The following KIAA1217 variants were observed in gnomAD, a reference collection of about 807,000 sequenced individuals.
KIAA1217 encodes the protein sickle tail protein homolog.
Under a neutral mutation model 163.9 loss-of-function variants are expected in KIAA1217, and 88 were observed. The ratio of observed to expected loss-of-function variants is 0.54; its 90% CI spans 0.45 to 0.64. The LOEUF (loss-of-function observed/expected upper bound fraction) is 0.64, where lower values mean the gene tolerates loss of function less well. Among genes scored for constraint, KIAA1217 ranks in the 30% least tolerant of loss-of-function variants. KIAA1217 has a pLI of 0.00. For synonymous variants in KIAA1217, 903 were observed against 923.1 expected (o/e 0.98, Z 0.39); for missense variants, 2,372 against 2,475.0 (o/e 0.96, Z 0.88).
At chr10:24,051,460 T>C (rs1320082562) in intron 2 of KIAA1217, among the ~76,000 whole-genome samples, 1 of 152,204 alleles carries the variant, frequency 6.6e-6, no homozygotes, top group Non-Finnish European at 1.5e-5. Context: ...GTTCTTCTTT[T>C]AGTTACCTAA....
At chr10:23,859,144 G>C (rs531526430) in intron 1 of KIAA1217, among the ~76,000 whole-genome samples, 1 of 152,176 alleles carries the variant, frequency 6.6e-6, no homozygotes, top group South Asian at 2.1e-4. Context: ...ATATGTGTGG[G>C]TGTATACATA....
chr10:24,102,465 C>A (rs2062453747), intron 2 of KIAA1217, among the ~76,000 whole-genome samples: 1 of 152,066 alleles, frequency 6.6e-6, no homozygotes, highest in Non-Finnish European at 1.5e-5. Flanking sequence ...TCAGTTCTTC[C>A]CAACTTGATG....
Position 24,536,737 on chromosome 10 carries a change from T to TAAA in KIAA1217, c.3415-37_3415-36insAAA. The TAAA allele has an allele frequency of 3.1e-6, 5 of 1,607,728 alleles. No homozygotes were observed. The East Asian group carries it at 1.1e-4, about 36-fold the overall frequency. ...TTTCCCTCCATTCTCCTCAGTACCC[T>TAAA]TGGATCCCTGTTAACCTCAGTATTT... is the stretch of plus-strand genomic sequence containing the variant. On this transcript the variant is annotated intron_variant, in intron 16 of 20. Coordinates refer to ENST00000376454, the MANE Select transcript of KIAA1217 (RefSeq NM_019590.5).
chr10:24,231,801 G>T (rs1487592244), intron 2 of KIAA1217, among the ~76,000 whole-genome samples: 1 of 142,098 alleles, frequency 7.0e-6, no homozygotes, highest in Non-Finnish European at 1.5e-5. Context: ...TCACTCTTGG[G>T]TTTTTTTTTT....
chr10:23,794,411 G>A (rs537268566), intron 1 of KIAA1217, among the ~76,000 whole-genome samples: 8 of 152,294 alleles, frequency 5.3e-5, no homozygotes, highest in African/African-American at 1.9e-4. Context: ...ATTTCCAATT[G>A]TAGGGGACTA....
chr10:24,136,800 G>A (rs1480051182), intron 2 of KIAA1217, among the ~76,000 whole-genome samples: 1 of 152,210 alleles, frequency 6.6e-6, no homozygotes, highest in East Asian at 1.9e-4. Context: ...GCCCTTTGCA[G>A]TAAGAGGGAG....
chr10:23,979,255 G>T (rs960166261), intron 1 of KIAA1217, among the ~76,000 whole-genome samples: 2 of 152,174 alleles, frequency 1.3e-5, no homozygotes, highest in African/African-American at 4.8e-5. Context: ...TAAAAGTCAC[G>T]TTGCAGGTGC....
At chr10:24,039,902 T>C (rs1339823536) in intron 2 of KIAA1217, among the ~76,000 whole-genome samples, 2 of 152,280 alleles carry the variant, frequency 1.3e-5, no homozygotes, top group Middle Eastern at 3.4e-3. Flanking sequence ...AATTCCCAAC[T>C]CTACAAGTGG....
At chr10:23,823,887 G>A (rs1015369530) in intron 1 of KIAA1217, among the ~76,000 whole-genome samples, 12 of 151,194 alleles carry the variant, frequency 7.9e-5, no homozygotes, top group Non-Finnish European at 2.9e-5. Flanking sequence ...AGATGGAGAA[G>A]AAAAGAGCCA....
At chr10:24,194,828 A>T (rs2066909347) in intron 2 of KIAA1217, among the ~76,000 whole-genome samples, 2 of 144,010 alleles carry the variant, frequency 1.4e-5, no homozygotes, top group Non-Finnish European at 3.0e-5. Flanking sequence ...CTGGTCTCTC[A>T]AACTCCTGAC....
In KIAA1217 at chr10:24,380,290, C is replaced by T. The variant is rs1190836251; in HGVS notation, c.355-579C>T. ...ACTTTCTTATAATGTGGCTTGTCCT[C>T]AACTCCCTGTTCAAAATGCACCACA... On this transcript the variant is annotated intron_variant, in intron 2 of 20. Transcript: ENST00000376454. 7.2e-5 allele frequency among the ~76,000 whole-genome samples: 11 copies of T among 152,216 alleles called. No homozygotes were observed. In the South Asian group the frequency reaches 2.3e-3, roughly 32 times the overall value.
At chr10:23,882,170 T>C (rs984284726) in intron 1 of KIAA1217, among the ~76,000 whole-genome samples, 6 of 151,980 alleles carry the variant, frequency 3.9e-5, no homozygotes, top group African/African-American at 1.4e-4. Context: ...TAAAATAATC[T>C]ATACCAAATA....
chr10:24,265,704 G>A (rs1007466712), intron 2 of KIAA1217, among the ~76,000 whole-genome samples: 3 of 152,012 alleles, frequency 2.0e-5, no homozygotes, highest in African/African-American at 4.8e-5. Context: ...GTTTTGAACC[G>A]GGCATTATGC....
At chr10:24,321,192 A>G (rs893084761) in intron 2 of KIAA1217, among the ~76,000 whole-genome samples, 5 of 152,192 alleles carry the variant, frequency 3.3e-5, no homozygotes, top group African/African-American at 9.6e-5. Context: ...TGAAAGCAGG[A>G]ACTTGAGATA....
chr10:24,012,010 A>C (rs1429840502), intron 2 of KIAA1217, among the ~76,000 whole-genome samples: 1 of 152,192 alleles, frequency 6.6e-6, no homozygotes, highest in South Asian at 2.1e-4. Context: ...CCAAGGAAAA[A>C]TAAAAGGAAA....
chr10:24,363,854 G>T (rs191930105), intron 2 of KIAA1217, among the ~76,000 whole-genome samples: 1 of 152,220 alleles, frequency 6.6e-6, no homozygotes, highest in Admixed American at 6.5e-5. Flanking sequence ...TTACAGGCAT[G>T]GGCCACCGCA....
At chr10:24,423,289 CT>C (rs71506831) in intron 3 of KIAA1217, among the ~76,000 whole-genome samples, 10,614 of 139,434 alleles carry the variant, frequency 0.076, 426 homozygotes, top group East Asian at 0.13. Context: ...CTTTAAAGCA[CT>C]TTTTTTTTTT....
At chr10:23,724,191 G>A (rs1304790466) in intron 1 of KIAA1217, among the ~76,000 whole-genome samples, 1 of 152,082 alleles carries the variant, frequency 6.6e-6, no homozygotes, top group Non-Finnish European at 1.5e-5. Flanking sequence ...CCAACACTGA[G>A]GGTTACAATT....
intron 5 of KIAA1217, among the ~76,000 whole-genome samples, chr10:24,445,076 G>T (rs1477213720): frequency 6.6e-6 from 1 of 152,146 alleles, no homozygotes; most frequent in Non-Finnish European, 1.5e-5. Flanking sequence ...ACCTTTTTGT[G>T]TCTGCAGAGT....
Sources: gnomAD v4.1 joint callset for allele counts (sites outside exome capture counted in the v4.1 genomes callset) on GRCh38, gnomAD v4.1.1 for gene constraint, MANE v1.5 for transcripts, NCBI Gene and HGNC (gene_info 2026-07-23, HGNC 2026-07-21) for gene names.